Variants in GATA4 observed in about 807,000 individuals in gnomAD.
The protein encoded by GATA4 is transcription factor GATA-4.
A neutral mutation model predicts 37.9 loss-of-function variants in GATA4; 7 were observed. That is an observed-to-expected ratio of 0.18 (90% CI 0.11 to 0.35). The LOEUF is 0.35. Ranked by LOEUF, GATA4 falls within the 10% of genes least tolerant of loss-of-function variation. GATA4 has a pLI of 1.00. For missense variants in GATA4, 647 were observed against 653.0 expected (o/e 0.99, Z 0.10); for synonymous variants, 372 against 292.6 (o/e 1.27, Z -2.77).
At chr8:11,730,876 G>C (rs533981283) in intron 2 of GATA4, among the ~76,000 whole-genome samples, 3 of 152,240 alleles carry the variant, frequency 2.0e-5, no homozygotes, top group Admixed American at 2.0e-4. Flanking sequence ...TCCCCGGCCA[G>C]TGCCCTCTCT....
chr8:11,703,230 T>C (rs1170652711), upstream of GATA4, among the ~76,000 whole-genome samples: 2 of 151,960 alleles, frequency 1.3e-5, no homozygotes, highest in South Asian at 2.1e-4. Context: ...CCGGCTGTTA[T>C]CTGGGGCTGA....
intron 1 of GATA4, among the ~76,000 whole-genome samples, chr8:11,686,301 A>G (rs2129953541): frequency 6.6e-6 from 1 of 152,080 alleles, no homozygotes; most frequent in Middle Eastern, 3.4e-3. Flanking sequence ...TTTCACTTTT[A>G]TTAATTAGCA....
chr8:11,740,121 C>T (rs1486490435), intron 2 of GATA4, among the ~76,000 whole-genome samples: 1 of 152,200 alleles, frequency 6.6e-6, no homozygotes, highest in Admixed American at 6.5e-5. Flanking sequence ...AGCCTGAAGC[C>T]GGAAGCCCCA....
At chr8:11,744,103 C>A (rs1300483205) in intron 2 of GATA4, among the ~76,000 whole-genome samples, 1 of 152,176 alleles carries the variant, frequency 6.6e-6, no homozygotes, top group Non-Finnish European at 1.5e-5. Context: ...CCGCTGAGAG[C>A]ACAGACAATT....
At chr8:11,686,148 C>CAAAAGCAAGTAGA (rs1236059039) in intron 1 of GATA4, among the ~76,000 whole-genome samples, 24 of 150,948 alleles carry the variant, frequency 1.6e-4, no homozygotes, top group Admixed American at 5.3e-4. Context: ...AGAGTGGTCA[C>CAAAAGCAAGTAGA]AAAAGCAAGT....
At chr8:11,697,816 C>T (rs1799549957) in intron 1 of GATA4, 1 of 985,476 alleles carries the variant, frequency 1.0e-6, no homozygotes, top group Non-Finnish European at 1.2e-6. Context: ...GGGTGCCGGG[C>T]CGGTGGGGCG....
intron 2 of GATA4, among the ~76,000 whole-genome samples, chr8:11,719,068 G>C (rs1161692904): frequency 1.3e-5 from 2 of 152,310 alleles, no homozygotes; most frequent in East Asian, 3.8e-4. Context: ...AATTGAGCTG[G>C]GAAATGGCAA....
upstream of GATA4, among the ~76,000 whole-genome samples, chr8:11,701,244 GAAAA>G (rs56051265): frequency 0.39 from 49,693 of 126,362 alleles, 11,183 homozygotes; most frequent in Non-Finnish European, 0.55. Flanking sequence ...CAGGTTCTTA[GAAAA>G]AAAAAAAAAA....
intron 1 of GATA4, chr8:11,681,489 TCGCG>T (rs1798969899): frequency 1.4e-6 from 1 of 708,548 alleles, no homozygotes; most frequent in Non-Finnish European, 1.5e-6. Flanking sequence ...GGTGCGGCGC[TCGCG>T]GGGGGGGGGG....
intron 2 of GATA4, among the ~76,000 whole-genome samples, chr8:11,741,495 A>G (rs1303415510): frequency 6.6e-6 from 1 of 151,976 alleles, no homozygotes; most frequent in African/African-American, 2.4e-5. Flanking sequence ...CAAACAAACA[A>G]AAAAAGTCCC....
chr8:11,694,173 A>G (rs1056887406), intron 1 of GATA4, among the ~76,000 whole-genome samples: 6 of 152,174 alleles, frequency 3.9e-5, no homozygotes, highest in East Asian at 1.9e-4. Flanking sequence ...TCATCCTTGT[A>G]TCTACAAGTT....
rs185479846 is a variant in GATA4, at chr8:11,735,986, C to T, written c.617-12930C>T. 8.5e-4 allele frequency among the ~76,000 whole-genome samples: 130 copies of T among 152,288 alleles called. 1 individual carries two copies. The highest frequency in any genetic ancestry group is 2.9e-3 in the African/African-American group (122 of 41,552). ...AGTGTGGTGGTGCGATCATAACTCG[C>T]TTGCAGGCCTGAAGTCCCAGGCTCA... On this transcript the variant is annotated intron_variant, in intron 2 of 6. Transcript: ENST00000532059.
At chr8:11,757,172 C>T (rs1802628525) in intron 6 of GATA4, 89 bp downstream of exon 6, 3 of 1,555,862 alleles carry the variant, frequency 1.9e-6, no homozygotes, top group Non-Finnish European at 2.6e-6. Context: ...GTGGGACTTG[C>T]AGCCAGGCCT....
chr8:11,758,104 C>T (rs1412755037), intron 6 of GATA4, among the ~76,000 whole-genome samples, 189 bp from the exon 7 acceptor site: 1 of 152,174 alleles, frequency 6.6e-6, no homozygotes, highest in Non-Finnish European at 1.5e-5. Flanking sequence ...GCAGCTGATG[C>T]ATCACCCAGA....
At position 11,708,171 on chromosome 8, in the gene GATA4, G is replaced by C; in HGVS notation, c.-142G>C. ...ATACGTATATATTTTTAAGCGAGTT[G>C]GTTTTTTCCCCTTTGATTTTTGATC... On this transcript the variant is annotated 5_prime_UTR_variant, in exon 2 of 7. Transcript: ENST00000532059. This position sits in a 1 kb window ranked among gnomAD's most constrained non-coding sequence, Gnocchi z 6.7. The C allele has an allele frequency of 3.3e-6, 3 of 905,760 alleles. No homozygotes were observed. Among genetic ancestry groups the C allele is most frequent in the Non-Finnish European group, 5.2e-6 (3 of 574,024 alleles). The allele number at this position is 905,760 out of a possible 1,614,324, so 56.1% of individuals were successfully genotyped here.
At chr8:11,723,397 C>T (rs763889784) in intron 2 of GATA4, among the ~76,000 whole-genome samples, 1 of 151,992 alleles carries the variant, frequency 6.6e-6, no homozygotes, top group Admixed American at 6.6e-5. Context: ...TGTTTCTATC[C>T]ATATATCCTG....
At chr8:11,689,115 A>C (rs1216930082), upstream of GATA4, among the ~76,000 whole-genome samples, 1 of 152,206 alleles carries the variant, frequency 6.6e-6, no homozygotes, top group Non-Finnish European at 1.5e-5. Context: ...AAGAAGCTGC[A>C]AGACGACTTC....
At chr8:11,696,240 C>T (rs1344665584) in intron 1 of GATA4, among the ~76,000 whole-genome samples, 3 of 152,130 alleles carry the variant, frequency 2.0e-5, no homozygotes, top group Admixed American at 6.5e-5. Flanking sequence ...ATAGTCCCAG[C>T]GCCCCTCCAA....
intron 1 of GATA4, among the ~76,000 whole-genome samples, chr8:11,694,746 C>A (rs996803268): frequency 2.6e-5 from 4 of 152,172 alleles, no homozygotes; most frequent in East Asian, 1.9e-4. Context: ...CCAGTCTTAA[C>A]ATCCATTTTT....
Sources: allele counts gnomAD v4.1 joint callset (sites outside exome capture counted in the v4.1 genomes callset), GRCh38; gene constraint gnomAD v4.1.1; non-coding constraint Gnocchi (gnomAD v3.1); transcripts MANE v1.5; gene names NCBI Gene and HGNC (gene_info 2026-07-23, HGNC 2026-07-21).